Variants in GNA14 observed in about 807,000 individuals in gnomAD.
The protein encoded by GNA14 is guanine nucleotide-binding protein subunit alpha-14.
Under a neutral mutation model 42.0 loss-of-function variants are expected in GNA14, and 50 were observed. The observed-to-expected ratio is 1.19, with a 90% CI of 0.95 to 1.51. The LOEUF is 1.51. GNA14 is among the 40% of genes most tolerant of loss of function. GNA14 has a pLI of 0.00. For synonymous variants in GNA14, 173 were observed against 163.1 expected (o/e 1.06, Z -0.46); for missense variants, 473 against 446.2 (o/e 1.06, Z -0.54).
intron 1 of GNA14, among the ~76,000 whole-genome samples, chr9:77,594,384 G>C (rs71511429): frequency 0.053 from 8,011 of 152,260 alleles, 263 homozygotes; most frequent in African/African-American, 0.096. Flanking sequence ...CATCGGCTCC[G>C]AGTGTGGAAG....
At chr9:77,524,410 C>T (rs1479497924) in intron 2 of GNA14, among the ~76,000 whole-genome samples, 1 of 152,118 alleles carries the variant, frequency 6.6e-6, no homozygotes, top group Non-Finnish European at 1.5e-5. Context: ...CTTCTACATA[C>T]ATAAGAAAAT....
In GNA14 at chr9:77,644,998, G is replaced by T. The variant is rs78286609; in HGVS notation, c.124+2672C>A. ...TATTTTCTCCATCTCTTTCTGATGA[G>T]AAAGTGTCACACCAACATCTTGCAA... On this transcript the variant is annotated intron_variant, in intron 1 of 6. Coordinates refer to ENST00000341700, the MANE Select transcript of GNA14 (RefSeq NM_004297.4). Among the ~76,000 whole-genome samples the T allele has an allele frequency of 1.8e-3, 280 of 152,278 alleles. 2 individuals carry two copies. The highest frequency in any genetic ancestry group is 6.3e-3 in the African/African-American group (261 of 41,556).
intron 2 of GNA14, among the ~76,000 whole-genome samples, chr9:77,462,542 A>C (rs992135783): frequency 2.0e-5 from 3 of 152,008 alleles, no homozygotes; most frequent in African/African-American, 7.2e-5. Context: ...AACTGGTGAA[A>C]CCCTATCTCT....
At chr9:77,488,763 CTT>C (rs1442555060) in intron 2 of GNA14, among the ~76,000 whole-genome samples, 2 of 126,694 alleles carry the variant, frequency 1.6e-5, no homozygotes, top group Non-Finnish European at 3.2e-5. Context: ...TACAAAGACT[CTT>C]TAAGCAAACA....
chr9:77,498,997 G>C (rs1032592940), intron 2 of GNA14, among the ~76,000 whole-genome samples: 1 of 152,186 alleles, frequency 6.6e-6, no homozygotes, highest in Non-Finnish European at 1.5e-5. Flanking sequence ...GGAATTTTCT[G>C]ACACTTGGCC....
intron 4 of GNA14, among the ~76,000 whole-genome samples, chr9:77,429,788 G>T (rs1387052557): frequency 6.6e-6 from 1 of 152,206 alleles, no homozygotes; most frequent in Non-Finnish European, 1.5e-5. Flanking sequence ...CATGACCACA[G>T]TCTCTGCCTT....
At chr9:77,431,921 A>C (rs1239979943) in intron 3 of GNA14, among the ~76,000 whole-genome samples, 1 of 152,224 alleles carries the variant, frequency 6.6e-6, no homozygotes, top group African/African-American at 2.4e-5. Flanking sequence ...GAAAATACAC[A>C]GGCGTAAAAC....
chr9:77,501,991 G>C (rs542994758), intron 2 of GNA14, among the ~76,000 whole-genome samples: 1 of 152,270 alleles, frequency 6.6e-6, no homozygotes, highest in African/African-American at 2.4e-5. Context: ...ACAGGCGTGA[G>C]CCACCGTGCC....
chr9:77,574,097 G>A (rs1439269463), intron 1 of GNA14, among the ~76,000 whole-genome samples: 1 of 152,048 alleles, frequency 6.6e-6, no homozygotes, highest in African/African-American at 2.4e-5. Context: ...TTGAGGCCAG[G>A]AGTTCAAGAC....
chr9:77,647,737 C>T lies in GNA14; in HGVS notation c.57G>A (p.Ala19=). The change falls in exon 1 of 7, where the codon GCG becomes GCA. Residue 19 remains alanine, a synonymous_variant. Coordinates refer to ENST00000341700, the MANE Select transcript of GNA14 (RefSeq NM_004297.4). The part of the protein sequence containing the change: ...AEEKESQRIS[A]EIERQLRRDK... ...CCCGACGAAGCTGTCGCTCGATCTC[C>T]GCGCTGATGCGCTGCGACTCCTTCT... 6.2e-7 allele frequency: 1 copy of T among 1,609,468 alleles called. No individual in the cohort carries two copies.
chr9:77,554,099 G>A (rs1822726757), intron 1 of GNA14, among the ~76,000 whole-genome samples: 1 of 152,144 alleles, frequency 6.6e-6, no homozygotes, highest in Admixed American at 6.6e-5. Context: ...CCACTTACCT[G>A]CTGCCTCACC....
At chr9:77,468,844 G>A (rs1836279970) in intron 2 of GNA14, among the ~76,000 whole-genome samples, 1 of 152,236 alleles carries the variant, frequency 6.6e-6, no homozygotes. Flanking sequence ...GCGTGAGCAA[G>A]AAATAAATCT....
intron 1 of GNA14, among the ~76,000 whole-genome samples, chr9:77,533,588 A>T (rs11145467): frequency 6.6e-6 from 1 of 152,126 alleles, no homozygotes; most frequent in Admixed American, 6.5e-5. Context: ...CCAGTAATAC[A>T]TTCACTAGAA....
chr9:77,498,823 G>A (rs1836918679), intron 2 of GNA14, among the ~76,000 whole-genome samples: 1 of 152,112 alleles, frequency 6.6e-6, no homozygotes, highest in Admixed American at 6.6e-5. Flanking sequence ...GCGGGGTGTG[G>A]GTGTTTGGGT....
At chr9:77,465,494 A>G (rs1427837150) in intron 2 of GNA14, among the ~76,000 whole-genome samples, 1 of 151,976 alleles carries the variant, frequency 6.6e-6, no homozygotes, top group Non-Finnish European at 1.5e-5. Flanking sequence ...GTGTGTTTTC[A>G]TTTCTTTTGG....
intron 1 of GNA14, among the ~76,000 whole-genome samples, chr9:77,535,299 G>T (rs533602585): frequency 3.3e-5 from 5 of 151,518 alleles, no homozygotes; most frequent in African/African-American, 9.8e-5. Flanking sequence ...AGCACTTTGG[G>T]AGGCGGAGGC....
chr9:77,428,420 G>C (rs967730422), intron 5 of GNA14, among the ~76,000 whole-genome samples: 2 of 152,060 alleles, frequency 1.3e-5, no homozygotes, highest in African/African-American at 4.8e-5. Flanking sequence ...AGATTCCACT[G>C]TGCCACCAAG....
chr9:77,536,996 G>A (rs1837606662), intron 1 of GNA14, among the ~76,000 whole-genome samples: 2 of 151,974 alleles, frequency 1.3e-5, no homozygotes, highest in African/African-American at 4.8e-5. Flanking sequence ...GGGTACCTAT[G>A]AATATCTGTT....
chr9:77,568,540 A>C (rs1297452089), intron 1 of GNA14, among the ~76,000 whole-genome samples: 3 of 152,144 alleles, frequency 2.0e-5, no homozygotes, highest in Admixed American at 2.0e-4. Context: ...ACTATTAAAA[A>C]AGTTACCCAG....
Sources: allele counts gnomAD v4.1 joint callset (sites outside exome capture counted in the v4.1 genomes callset), GRCh38; gene constraint gnomAD v4.1.1; transcripts MANE v1.5; gene names NCBI Gene and HGNC (gene_info 2026-07-23, HGNC 2026-07-21).